The following ATP2C1 variants were observed in gnomAD, a reference collection of about 807,000 sequenced individuals.
ATP2C1 encodes calcium-transporting ATPase type 2C member 1.
A neutral mutation model predicts 120.5 loss-of-function variants in ATP2C1; 31 were observed. That is an observed-to-expected ratio of 0.26 (90% CI 0.19 to 0.35). The LOEUF (loss-of-function observed/expected upper bound fraction) is 0.35, where lower values mean the gene tolerates loss of function less well. ATP2C1 is among the 10% of genes least tolerant of loss of function. The probability of loss-of-function intolerance (pLI) is 1.00; values close to 1 mark genes in which losing one functional copy is unlikely to be tolerated. For synonymous variants in ATP2C1, 351 were observed against 358.7 expected, an observed-to-expected ratio of 0.98 and a Z score of 0.24; for missense variants, 731 against 1,107.5, an observed-to-expected ratio of 0.66 and a Z score of 4.83.
chr3:131,002,198 T>C lies in ATP2C1; in HGVS notation c.*848T>C, dbSNP rs1193630487. 5.2e-6 allele frequency: 5 copies of C among 970,832 alleles called. No individual in the cohort carries two copies. Among genetic ancestry groups the C allele is most frequent in the South Asian group, 9.5e-5 (2 of 20,972 alleles). The allele number at this position is 970,832 out of a possible 1,614,324, so 60.1% of individuals were successfully genotyped here. ...TGTCTTCCTTTTTGAGGTAAAGATA[T>C]ATACTTTGTCAAATATCATTTTGTC... is the stretch of plus-strand genomic sequence containing the variant. On this transcript the variant is annotated 3_prime_UTR_variant, in exon 28 of 28. Coordinates refer to ENST00000510168, the MANE Select transcript of ATP2C1 (RefSeq NM_001378687.1).
intron 12 of ATP2C1, among the ~76,000 whole-genome samples, chr3:130,960,567 G>A (rs1244693434): frequency 6.6e-6 from 1 of 152,134 alleles, no homozygotes; most frequent in Non-Finnish European, 1.5e-5. Context: ...TCATAGCAGT[G>A]TTATCTAGCA....
intron 1 of ATP2C1, among the ~76,000 whole-genome samples, chr3:130,858,271 C>G (rs2067908016): frequency 6.6e-6 from 1 of 152,152 alleles, no homozygotes; most frequent in African/African-American, 2.4e-5. Flanking sequence ...TCAATCCAAT[C>G]AAGTTGACAC....
rs576732131 is a variant in ATP2C1, at chr3:130,850,620, A to C, written c.-201A>C. 41 of 395,904 alleles carry C rather than the reference A, an allele frequency of 1.0e-4. 1 individual carries two copies. In the Admixed American group the frequency reaches 1.8e-3, roughly 17 times the overall value. 24.5% of individuals were successfully genotyped at this position (395,904 alleles called of 1,614,324 possible). On this transcript the variant is annotated 5_prime_UTR_variant, in exon 1 of 27. Coordinates refer to the ATP2C1 transcript ENST00000504381. Reference sequence around the variant, plus strand: ...ATTGCATTTCTGGACGCTTCTAGACAGTGTTCATACTTGGCTGTCTGGTTT... The same window carrying C: ...ATTGCATTTCTGGACGCTTCTAGACCGTGTTCATACTTGGCTGTCTGGTTT...
intron 2 of ATP2C1, among the ~76,000 whole-genome samples, chr3:130,895,262 C>CA (rs948897584): frequency 1.6e-4 from 24 of 151,706 alleles, no homozygotes; most frequent in South Asian, 6.3e-4. Flanking sequence ...TTTCAATTCA[C>CA]AAAAAAAACC....
intron 1 of ATP2C1, among the ~76,000 whole-genome samples, chr3:130,882,258 C>T (rs116053568): frequency 0.013 from 1,898 of 150,910 alleles, 46 homozygotes; most frequent in African/African-American, 0.044. Flanking sequence ...AATGCAGTGG[C>T]GCGACCTTGG....
chr3:131,010,189 T>C, intron 26 of ATP2C1, among the ~76,000 whole-genome samples: 1 of 5,680 alleles, frequency 1.8e-4, no homozygotes, highest in Non-Finnish European at 2.0e-3. Flanking sequence ...TTTTCTATCT[T>C]TTTTTTTTTT....
intron 1 of ATP2C1, among the ~76,000 whole-genome samples, chr3:130,878,171 G>A (rs1050925124): frequency 1.3e-5 from 2 of 150,560 alleles, no homozygotes; most frequent in Non-Finnish European, 3.0e-5. Flanking sequence ...ATAGCATTAG[G>A]AGATATACTT....
At position 131,001,980 on chromosome 3, in the gene ATP2C1, T is replaced by G; in HGVS notation, c.*630T>G. 1 of 983,482 alleles carries G rather than the reference T, an allele frequency of 1.0e-6. No homozygotes were observed. Among genetic ancestry groups the G allele is most frequent in the East Asian group, 1.1e-4 (1 of 8,808 alleles). 60.9% of individuals were successfully genotyped at this position (983,482 alleles called of 1,614,324 possible). On this transcript the variant is annotated 3_prime_UTR_variant, in exon 28 of 28. Coordinates refer to ENST00000510168, the MANE Select transcript of ATP2C1 (RefSeq NM_001378687.1). ...GCCTATACTACAATTTGAAGTAAAT[T>G]TTTGTTTTTCTTAGTAAGTGTAAAT...
intron 20 of ATP2C1, among the ~76,000 whole-genome samples, chr3:130,988,597 C>T (rs1337172185): frequency 6.6e-6 from 1 of 152,044 alleles, no homozygotes. Context: ...GGGATGACAC[C>T]CACGACCAGC....
At chr3:130,936,095 A>G (rs970803874) in intron 5 of ATP2C1, among the ~76,000 whole-genome samples, 1 of 152,208 alleles carries the variant, frequency 6.6e-6, no homozygotes, top group African/African-American at 2.4e-5. Flanking sequence ...CAGGTTTTCA[A>G]GCAATAATTA....
Position 130,902,284 on chromosome 3 carries a change from GTTTTTTTTTTTTGTTTTTTTTT to G in ATP2C1, c.6+7522_6+7543del, listed in dbSNP as rs1312792777. On this transcript the variant is annotated intron_variant, in intron 2 of 27. Transcript: ENST00000510168. ...TTAACTGCTAATTTCAAGGCTTCAC[GTTTTTTTTTTTTGTTTTTTTTT>G]TTTTTTTTTTTTTTTTCTGAGAGGT... 8.9e-3 allele frequency among the ~76,000 whole-genome samples: 584 copies of G among 65,528 alleles called. 7 individuals are homozygous for G. The highest frequency in any genetic ancestry group is 0.03 in the African/African-American group (529 of 17,752). The allele number at this position is 65,528 out of a possible 152,430, so 43.0% of individuals were successfully genotyped here. A position where few individuals can be genotyped will look rare whatever the true frequency, so the allele number is the denominator to read the frequency against.
intron 23 of ATP2C1, 137 bp downstream of exon 23, chr3:130,996,248 A>G: frequency 1.4e-6 from 1 of 718,280 alleles, no homozygotes; most frequent in Non-Finnish European, 2.5e-6. Context: ...CAAAAAGAAA[A>G]TTTATTGTAT....
chr3:130,997,603 A>G lies in ATP2C1; in HGVS notation c.2244-3A>G, dbSNP rs746308679. The G allele has an allele frequency of 1.9e-6, 3 of 1,612,806 alleles. No individual in the cohort carries two copies. The highest frequency in any genetic ancestry group is 1.7e-6 in the Non-Finnish European group (2 of 1,179,450). On this transcript the variant is annotated splice_polypyrimidine_tract_variant and splice_region_variant and intron_variant, in intron 24 of 27. Coordinates refer to ENST00000510168, the MANE Select transcript of ATP2C1 (RefSeq NM_001378687.1). ...GTAATTTATTTTTCTGTTTGTTTTT[A>G]AGCCTTGGAGTAGAACCAGTGGATA...
In ATP2C1 at chr3:130,967,438, C is replaced by T; in HGVS notation, c.1308+19C>T. 6.3e-7 allele frequency: 1 copy of T among 1,599,870 alleles called. No homozygotes were observed. The highest frequency in any genetic ancestry group is 8.6e-7 in the Non-Finnish European group (1 of 1,167,346). ...AATGAAGGTACGTACCTAAATTTCT[C>T]TTCTTTGACATTTGAGACACTGCCC... is the stretch of plus-strand genomic sequence containing the variant. On this transcript the variant is annotated intron_variant, in intron 16 of 27. Coordinates refer to ENST00000510168, the MANE Select transcript of ATP2C1 (RefSeq NM_001378687.1).
intron 2 of ATP2C1, among the ~76,000 whole-genome samples, chr3:130,917,203 G>A (rs2058727011): frequency 6.6e-6 from 1 of 152,140 alleles, no homozygotes; most frequent in Admixed American, 6.5e-5. Flanking sequence ...TTTAAAATAG[G>A]CTATGCTAAG....
At chr3:130,962,715 T>TAAAAAAAA (rs71133621) in intron 12 of ATP2C1, among the ~76,000 whole-genome samples, 1 of 114,212 alleles carries the variant, frequency 8.8e-6, no homozygotes, top group African/African-American at 3.3e-5. Context: ...ATGGAAGCAT[T>TAAAAAAAA]AAAAAAAAAA....
chr3:131,011,824 T>G (rs1051164548), intron 26 of ATP2C1, among the ~76,000 whole-genome samples: 1 of 152,258 alleles, frequency 6.6e-6, no homozygotes, highest in Non-Finnish European at 1.5e-5. Context: ...CCAAGCAGCC[T>G]GAACAAGAAT....
In ATP2C1 at chr3:130,894,545, TCCTC is replaced by T; in HGVS notation, c.-180-44_-180-41del. 2 of 1,408,712 alleles carry T rather than the reference TCCTC, an allele frequency of 1.4e-6. No individual in the cohort carries two copies. Among genetic ancestry groups the T allele is most frequent in the Non-Finnish European group, 1.8e-6 (2 of 1,082,490 alleles). 87.3% of individuals were successfully genotyped at this position (1,408,712 alleles called of 1,614,324 possible). The stretch of plus-strand genomic sequence containing the variant: ...GATAGTGGCTGGGCGGGGAACTCCT[TCCTC>T]AGCCTCTCGTCAGCGCCGCTTCTCC... On this transcript the variant is annotated intron_variant, in intron 1 of 27. Transcript: ENST00000510168. The surrounding 1 kb of genome is among the most constrained non-coding windows in gnomAD (Gnocchi z 4.5).
intron 21 of ATP2C1, among the ~76,000 whole-genome samples, chr3:130,993,611 T>C (rs2062457353): frequency 6.6e-6 from 1 of 152,178 alleles, no homozygotes; most frequent in Non-Finnish European, 1.5e-5. Flanking sequence ...CCCCAAATCC[T>C]GATAGTCCAA....
Sources: gnomAD v4.1 joint callset for allele counts (sites outside exome capture counted in the v4.1 genomes callset) on GRCh38, gnomAD v4.1.1 for gene constraint, Gnocchi (gnomAD v3.1) non-coding constraint, MANE v1.5 for transcripts, NCBI Gene and HGNC (gene_info 2026-07-23, HGNC 2026-07-21) for gene names.